Variants in EGFL7 observed in about 807,000 individuals in gnomAD.
EGFL7 encodes EGF like domain multiple 7.
Under a neutral mutation model 37.1 loss-of-function variants are expected in EGFL7, and 48 were observed. The observed-to-expected ratio is 1.29, with a 90% CI of 1.03 to 1.65. The LOEUF (loss-of-function observed/expected upper bound fraction) is 1.65, where lower values mean the gene tolerates loss of function less well. Ranked by LOEUF, EGFL7 falls within the 40% of genes most tolerant of loss-of-function variation. The pLI is 0.00. For missense variants in EGFL7, 384 were observed against 378.9 expected, an observed-to-expected ratio of 1.01 and a Z score of -0.11; for synonymous variants, 180 against 156.8, an observed-to-expected ratio of 1.15 and a Z score of -1.10.
At chr9:136,671,850 A>G in intron 9 of EGFL7, 76 bp from the exon 10 acceptor site, 1 of 1,419,864 alleles carries the variant, frequency 7.0e-7, no homozygotes, top group Non-Finnish European at 9.2e-7. Flanking sequence ...AGCCCTTCCC[A>G]GGGGTCCTCC....
In EGFL7 at chr9:136,669,642, G is replaced by A; in HGVS notation, c.234G>A (p.Gly78=). 1.2e-6 allele frequency: 2 copies of A among 1,611,302 alleles called. No homozygotes were observed. The highest frequency in any genetic ancestry group is 1.1e-5 in the South Asian group (1 of 90,802). Residue 78 remains glycine (G), a synonymous_variant, in exon 6 of 11, where the codon GGG becomes GGA. Transcript: ENST00000308874. ...IYRTAYRRSP[G]LAPARPRYAC... ...GGACCGCCTACCGCCGCAGCCCTGG[G>A]CTGGCCCCTGCCAGGCCTCGCTACG...
intron 6 of EGFL7, 72 bp downstream of exon 6, chr9:136,669,793 C>G: frequency 6.9e-7 from 1 of 1,452,568 alleles, no homozygotes; most frequent in Non-Finnish European, 9.3e-7. Context: ...AACGCTCCTG[C>G]TGCTTTTCTT....
upstream of EGFL7, among the ~76,000 whole-genome samples, chr9:136,659,954 G>A (rs1387663079): frequency 6.6e-6 from 1 of 152,098 alleles, no homozygotes; most frequent in South Asian, 2.1e-4. Context: ...CCAGGCGTGG[G>A]GCCCGGCCTG....
In EGFL7 at chr9:136,668,269, T is replaced by C. The variant is rs1257815934; in HGVS notation, c.-14T>C. 1 of 1,598,220 alleles carries C rather than the reference T, an allele frequency of 6.3e-7. No individual in the cohort carries two copies. Among genetic ancestry groups the C allele is most frequent in the Non-Finnish European group, 8.5e-7 (1 of 1,172,958 alleles). On this transcript the variant is annotated 5_prime_UTR_variant, in exon 4 of 11. Coordinates refer to ENST00000308874, the MANE Select transcript of EGFL7 (RefSeq NM_016215.5). ...ACCCAGAGGAGAAGGCCACCCCGCC[T>C]GGAGGCACAGGCCATGAGGGGCTCT...
At chr9:136,665,956 A>C (rs934191585) in intron 3 of EGFL7, 3 of 142,434 alleles carry the variant, frequency 2.1e-5, no homozygotes, top group Admixed American at 6.9e-5. Context: ...GGGACGAGGC[A>C]GCGCGACCGC....
chr9:136,661,996 C>T (rs1845174472), upstream of EGFL7, among the ~76,000 whole-genome samples: 1 of 152,200 alleles, frequency 6.6e-6, no homozygotes, highest in African/African-American at 2.4e-5. Flanking sequence ...CCTTCGGCAC[C>T]GTGTCCCCTC....
chr9:136,671,616 C>T (rs560538641), intron 9 of EGFL7, among the ~76,000 whole-genome samples: 1 of 151,970 alleles, frequency 6.6e-6, no homozygotes, highest in East Asian at 1.9e-4. Context: ...CCTCCCCACC[C>T]CCCCATCTTT....
intron 3 of EGFL7, among the ~76,000 whole-genome samples, chr9:136,667,192 A>G (rs1210653316): frequency 6.6e-6 from 1 of 152,186 alleles, no homozygotes; most frequent in Non-Finnish European, 1.5e-5. Flanking sequence ...GAGGGGCCTC[A>G]GAGACCCTAT....
Position 136,670,682 on chromosome 9 carries a change from C to T in EGFL7, c.572-268C>T, listed in dbSNP as rs199992070. ...ACCGTGAGTAATAATGCGCCGTCCA[C>T]GGCACCGCATCGAAAACGCCGCTGA... On this transcript the variant is annotated intron_variant, in intron 8 of 10. Coordinates refer to ENST00000308874, the MANE Select transcript of EGFL7 (RefSeq NM_016215.5). 1,230 of 772,216 alleles carry T rather than the reference C, an allele frequency of 1.6e-3. 16 individuals are homozygous for T. Among genetic ancestry groups the T allele is most frequent in the Non-Finnish European group, 2.1e-4 (87 of 413,800 alleles). The allele number at this position is 772,216 out of a possible 1,614,324, so 47.8% of individuals were successfully genotyped here.
At chr9:136,671,661 C>T (rs968040496) in intron 9 of EGFL7, among the ~76,000 whole-genome samples, 6 of 152,008 alleles carry the variant, frequency 3.9e-5, no homozygotes, top group South Asian at 2.1e-4. Context: ...TGCCAGTCTT[C>T]CCACTGGCCA....
chr9:136,671,166 G>C (rs1845850848), intron 9 of EGFL7, 152 bp downstream of exon 9: 3 of 516,596 alleles, frequency 5.8e-6, no homozygotes, highest in Non-Finnish European at 1.1e-5. Flanking sequence ...TGGACCTGCT[G>C]GAGGAGGTGA....
chr9:136,670,140 A>C (rs776117404), intron 7 of EGFL7, 29 bp from the exon 8 acceptor site: 2 of 1,612,344 alleles, frequency 1.2e-6, no homozygotes, highest in African/African-American at 2.7e-5. Flanking sequence ...TCCCGCAGGC[A>C]TGGCCGCCTG....
intron 3 of EGFL7, chr9:136,665,683 C>G (rs1845415235): frequency 6.7e-6 from 1 of 148,634 alleles, no homozygotes. Flanking sequence ...CTCAGTTTCC[C>G]CGTCTGCGCA....
chr9:136,665,169 T>A (rs1016276080), intron 3 of EGFL7, among the ~76,000 whole-genome samples: 2 of 152,208 alleles, frequency 1.3e-5, no homozygotes, highest in Admixed American at 6.5e-5. Flanking sequence ...GGGTGCCTGA[T>A]GCCTGAGAGA....
intron 9 of EGFL7, 81 bp from the exon 10 acceptor site, chr9:136,671,845 T>C: frequency 7.0e-7 from 1 of 1,418,784 alleles, no homozygotes. Flanking sequence ...TGTGGAGCCC[T>C]TCCCAGGGGT....
intron 3 of EGFL7, among the ~76,000 whole-genome samples, chr9:136,667,902 C>T (rs917957076): frequency 1.3e-5 from 2 of 152,200 alleles, no homozygotes; most frequent in East Asian, 3.9e-4. Context: ...TGGAACCAGG[C>T]AGGACAGGAG....
At chr9:136,660,776 T>C (rs1313912068), upstream of EGFL7, among the ~76,000 whole-genome samples, 2 of 151,992 alleles carry the variant, frequency 1.3e-5, no homozygotes, top group Admixed American at 1.3e-4. Context: ...CAAGCTGGGG[T>C]GGGGGACATG....
At chr9:136,663,997 T>C (rs887572325) in intron 2 of EGFL7, among the ~76,000 whole-genome samples, 7 of 152,138 alleles carry the variant, frequency 4.6e-5, no homozygotes, top group African/African-American at 1.7e-4. Context: ...TGACCGCAGA[T>C]CCAGAGATGA....
In EGFL7 at chr9:136,668,602, G is replaced by C. The variant is rs1204139771; in HGVS notation, c.126G>C (p.Glu42Asp). Residue 42 changes from glutamate to aspartate, a missense_variant, in exon 5 of 11, where the codon GAG (glutamate) becomes GAC (aspartate). By Grantham distance (45) the Glu-to-Asp change is conservative. Coordinates refer to ENST00000308874, the MANE Select transcript of EGFL7 (RefSeq NM_016215.5). Reference sequence around the variant, plus strand: ...GGGCTCACGGGGACCCTGTCTCCGAGTCGTTCGTGCAGCGTGTGTACCAGC... The same window carrying C: ...GGGCTCACGGGGACCCTGTCTCCGACTCGTTCGTGCAGCGTGTGTACCAGC... ...AVRAHGDPVS[E>D]SFVQRVYQPF... 1 of 1,608,616 alleles carries C rather than the reference G, an allele frequency of 6.2e-7. No individual in the cohort carries two copies. Among genetic ancestry groups the C allele is most frequent in the Admixed American group, 1.7e-5 (1 of 60,014 alleles).
Sources: allele counts gnomAD v4.1 joint callset (sites outside exome capture counted in the v4.1 genomes callset), GRCh38; gene constraint gnomAD v4.1.1; transcripts MANE v1.5; gene names NCBI Gene and HGNC (gene_info 2026-07-23, HGNC 2026-07-21).